The following ARL15 variants were observed in gnomAD, a reference collection of about 807,000 sequenced individuals.
ARL15 encodes the protein ARF like GTPase 15.
ARL15 carries 19 observed loss-of-function variants against 25.2 expected under a neutral mutation model. That is an observed-to-expected ratio of 0.75 (90% CI 0.53 to 1.10). The LOEUF (loss-of-function observed/expected upper bound fraction) is 1.10, where lower values mean the gene tolerates loss of function less well. ARL15 is among the 50% of genes least tolerant of loss of function. ARL15 has a pLI of 0.00. For synonymous variants in ARL15, 94 were observed against 86.8 expected, an observed-to-expected ratio of 1.08 and a Z score of -0.46; for missense variants, 220 against 246.0, an observed-to-expected ratio of 0.89 and a Z score of 0.71.
intron 1 of ARL15, among the ~76,000 whole-genome samples, chr5:54,291,480 A>G (rs1170546243): frequency 6.6e-6 from 1 of 152,042 alleles, no homozygotes; most frequent in African/African-American, 2.4e-5. Flanking sequence ...TATTTTTTAT[A>G]TTTTTTGTTC....
chr5:54,022,350 T>C (rs777880896), intron 4 of ARL15, among the ~76,000 whole-genome samples: 24 of 151,922 alleles, frequency 1.6e-4, no homozygotes, highest in Non-Finnish European at 2.8e-4. Context: ...CTGCTGCCCC[T>C]GTCTCTCATC....
chr5:54,050,467 A>C (rs1336547210), intron 4 of ARL15, among the ~76,000 whole-genome samples: 2 of 152,158 alleles, frequency 1.3e-5, no homozygotes, highest in African/African-American at 2.4e-5. Context: ...TTTGGTGGCT[A>C]GTGAGTATAG....
chr5:54,269,772 A>G (rs1757732514), intron 1 of ARL15, among the ~76,000 whole-genome samples: 2 of 151,990 alleles, frequency 1.3e-5, no homozygotes, highest in African/African-American at 4.8e-5. Flanking sequence ...CAGCCTCCTG[A>G]TTAGCTGGGA....
chr5:54,129,179 T>C (rs1293806877), intron 3 of ARL15, among the ~76,000 whole-genome samples: 1 of 152,178 alleles, frequency 6.6e-6, no homozygotes, highest in Non-Finnish European at 1.5e-5. Context: ...AAACATCTAA[T>C]ATCTAAATCT....
chr5:54,290,943 C>T (rs1758305244), intron 1 of ARL15, among the ~76,000 whole-genome samples: 1 of 152,100 alleles, frequency 6.6e-6, no homozygotes. Context: ...TATTTAAAGT[C>T]CTCAAAATAT....
chr5:54,096,627 T>C (rs1184062591), intron 4 of ARL15, among the ~76,000 whole-genome samples: 1 of 152,138 alleles, frequency 6.6e-6, no homozygotes, highest in Non-Finnish European at 1.5e-5. Flanking sequence ...GCCAGGTTGG[T>C]CTCAAACTCC....
chr5:54,051,153 T>C (rs1230081370), intron 4 of ARL15, among the ~76,000 whole-genome samples: 1 of 152,224 alleles, frequency 6.6e-6, no homozygotes, highest in South Asian at 2.1e-4. Context: ...GCATCTCCTT[T>C]GTGGCACATG....
chr5:54,274,319 T>C (rs1757868381), intron 1 of ARL15, among the ~76,000 whole-genome samples: 1 of 152,188 alleles, frequency 6.6e-6, no homozygotes, highest in Admixed American at 6.5e-5. Context: ...AAAGGATACA[T>C]TCTGCATTCC....
chr5:53,994,292 A>G (rs891859649), intron 4 of ARL15, among the ~76,000 whole-genome samples: 19 of 152,348 alleles, frequency 1.2e-4, no homozygotes, highest in African/African-American at 4.3e-4. Flanking sequence ...GACTAATGCA[A>G]TGATGCAATG....
intron 4 of ARL15, among the ~76,000 whole-genome samples, chr5:54,033,122 T>G (rs568467843): frequency 4.0e-5 from 6 of 151,244 alleles, no homozygotes; most frequent in African/African-American, 1.5e-4. Flanking sequence ...GAGGTCAGCC[T>G]GACTAACATG....
At chr5:54,099,135 C>T (rs1276811385) in intron 4 of ARL15, among the ~76,000 whole-genome samples, 1 of 152,168 alleles carries the variant, frequency 6.6e-6, no homozygotes, top group Admixed American at 6.5e-5. Flanking sequence ...CTTGTTTAAT[C>T]ATCTCCCTCA....
In ARL15 at chr5:54,047,745, C is replaced by T. The variant is rs116467035; in HGVS notation, c.462+65457G>A. ...TACCAAGGTAGGATAAATTCTTCCA[C>T]GGTTGAAGACCATAAACATGACATG... is the stretch of plus-strand genomic sequence containing the variant. On this transcript the variant is annotated intron_variant, in intron 4 of 4. Transcript: ENST00000504924. Among the ~76,000 whole-genome samples, 812 of 152,304 alleles carry T rather than the reference C, an allele frequency of 5.3e-3. 3 individuals carry two copies. The highest frequency in any genetic ancestry group is 0.012 in the Admixed American group (180 of 15,294).
intron 1 of ARL15, among the ~76,000 whole-genome samples, chr5:54,296,969 C>G (rs189483853): frequency 6.6e-6 from 1 of 152,276 alleles, no homozygotes; most frequent in East Asian, 1.9e-4. Flanking sequence ...GGAAAGGAGG[C>G]ACAGAGCAGT....
At chr5:53,969,349 CT>C (rs937488651) in intron 4 of ARL15, among the ~76,000 whole-genome samples, 4 of 152,138 alleles carry the variant, frequency 2.6e-5, no homozygotes, top group Admixed American at 2.6e-4. Flanking sequence ...TAGTATCATA[CT>C]TTTTTTCTTT....
chr5:54,275,397 T>C (rs1261752375), intron 1 of ARL15, among the ~76,000 whole-genome samples: 1 of 152,204 alleles, frequency 6.6e-6, no homozygotes, highest in Non-Finnish European at 1.5e-5. Flanking sequence ...TAGTCAGGTA[T>C]CATCACGTAC....
intron 4 of ARL15, among the ~76,000 whole-genome samples, chr5:53,914,138 C>CACAA (rs66796695): frequency 1.4e-4 from 3 of 20,728 alleles, no homozygotes; most frequent in Non-Finnish European, 5.2e-4. Flanking sequence ...TGCACAGGCC[C>CACAA]ACACACACAC....
At chr5:54,239,655 G>A (rs944452882) in intron 1 of ARL15, among the ~76,000 whole-genome samples, 12 of 152,160 alleles carry the variant, frequency 7.9e-5, no homozygotes, top group Non-Finnish European at 1.8e-4. Flanking sequence ...TTAAATTCTA[G>A]AATGTTTCCT....
intron 1 of ARL15, among the ~76,000 whole-genome samples, chr5:54,235,873 G>A (rs961114539): frequency 1.3e-5 from 2 of 152,150 alleles, no homozygotes; most frequent in Non-Finnish European, 2.9e-5. Flanking sequence ...TTAAGATGCT[G>A]TGAGCATTTT....
intron 4 of ARL15, among the ~76,000 whole-genome samples, chr5:53,993,654 G>A (rs1178987574): frequency 6.6e-6 from 1 of 152,040 alleles, no homozygotes; most frequent in Admixed American, 6.6e-5. Flanking sequence ...AGTTTTATCT[G>A]TCTGTGCACT....
Sources: allele counts gnomAD v4.1 joint callset (sites outside exome capture counted in the v4.1 genomes callset), GRCh38; gene constraint gnomAD v4.1.1; transcripts MANE v1.5; gene names NCBI Gene and HGNC (gene_info 2026-07-23, HGNC 2026-07-21).